The following ERBB4 variants were observed in gnomAD, a reference collection of about 807,000 sequenced individuals.
The protein encoded by ERBB4 is erb-b2 receptor tyrosine kinase 4.
Under a neutral mutation model 158.0 loss-of-function variants are expected in ERBB4, and 42 were observed. The ratio of observed to expected loss-of-function variants is 0.27; its 90% CI spans 0.21 to 0.34. ERBB4 has a LOEUF of 0.34. Ranked by LOEUF, ERBB4 falls within the 10% of genes least tolerant of loss-of-function variation. The pLI is 1.00. For synonymous variants in ERBB4, 583 were observed against 558.7 expected, an observed-to-expected ratio of 1.04 and a Z score of -0.61; for missense variants, 1,333 against 1,624.1, an observed-to-expected ratio of 0.82 and a Z score of 3.08.
chr2:212,064,481 C>A (rs1216305474), intron 2 of ERBB4, among the ~76,000 whole-genome samples: 2 of 152,090 alleles, frequency 1.3e-5, no homozygotes, highest in African/African-American at 4.8e-5. Context: ...AAACAGCCCA[C>A]CCCTTTCAAG....
intron 3 of ERBB4, among the ~76,000 whole-genome samples, chr2:211,807,930 A>C (rs1019944061): frequency 3.9e-5 from 6 of 152,138 alleles, no homozygotes; most frequent in African/African-American, 1.4e-4. Context: ...TCTTCTTCTG[A>C]GAAGTTTCTG....
At chr2:212,257,244 A>T (rs1485903662) in intron 1 of ERBB4, among the ~76,000 whole-genome samples, 1 of 152,194 alleles carries the variant, frequency 6.6e-6, no homozygotes, top group Non-Finnish European at 1.5e-5. Context: ...ATTTGACTAA[A>T]GATATATTAA....
chr2:212,184,399 A>G (rs1480597974), intron 1 of ERBB4, among the ~76,000 whole-genome samples: 10 of 152,116 alleles, frequency 6.6e-5, no homozygotes, highest in African/African-American at 2.2e-4. Context: ...TAATACTTAT[A>G]TATATAAGGC....
intron 19 of ERBB4, among the ~76,000 whole-genome samples, chr2:211,570,672 C>T (rs1486825139): frequency 6.6e-6 from 1 of 152,182 alleles, no homozygotes; most frequent in Non-Finnish European, 1.5e-5. Flanking sequence ...ACCACCTTCA[C>T]TGTAACTACA....
intron 1 of ERBB4, among the ~76,000 whole-genome samples, chr2:212,278,922 A>G (rs1325699780): frequency 1.3e-5 from 2 of 151,622 alleles, no homozygotes; most frequent in Admixed American, 6.6e-5. Flanking sequence ...TGTCAGAGGT[A>G]AAGTATATAA....
intron 1 of ERBB4, among the ~76,000 whole-genome samples, chr2:212,528,188 G>A (rs1235062471): frequency 6.6e-6 from 1 of 152,082 alleles, no homozygotes; most frequent in East Asian, 1.9e-4. Flanking sequence ...CTGCTGACCT[G>A]AAGGCACTAA....
At chr2:212,227,697 A>G (rs2083520104) in intron 1 of ERBB4, among the ~76,000 whole-genome samples, 1 of 152,152 alleles carries the variant, frequency 6.6e-6, no homozygotes, top group Non-Finnish European at 1.5e-5. Context: ...GAATGGTGCT[A>G]TGTGCTATTT....
chr2:212,359,436 C>G (rs937702846), intron 1 of ERBB4, among the ~76,000 whole-genome samples: 1 of 149,532 alleles, frequency 6.7e-6, no homozygotes. Flanking sequence ...CCAATAAAAT[C>G]TATTTCAAAT....
At chr2:212,456,893 C>A (rs1313841659) in intron 1 of ERBB4, among the ~76,000 whole-genome samples, 1 of 151,808 alleles carries the variant, frequency 6.6e-6, no homozygotes, top group Non-Finnish European at 1.5e-5. Flanking sequence ...ATTATAATGG[C>A]CTTTTTTCTC....
chr2:211,885,455 A>AT (rs924716283), intron 3 of ERBB4, among the ~76,000 whole-genome samples: 124 of 148,422 alleles, frequency 8.4e-4, no homozygotes, highest in Admixed American at 1.6e-3. Flanking sequence ...AACTGCTATA[A>AT]TTTTTTTTTT....
At chr2:212,089,307 A>G (rs549497665) in intron 2 of ERBB4, among the ~76,000 whole-genome samples, 40 of 152,290 alleles carry the variant, frequency 2.6e-4, no homozygotes, top group African/African-American at 9.1e-4. Context: ...AGTTCCAATC[A>G]ACATTTAAAC....
In ERBB4 at chr2:211,897,085, A is replaced by G. The variant is rs149728176; in HGVS notation, c.421+50345T>C. 5.9e-4 allele frequency among the ~76,000 whole-genome samples: 89 copies of G among 150,458 alleles called. No individual in the cohort carries two copies. In the East Asian group the frequency reaches 0.017, roughly 29 times the overall value. On this transcript the variant is annotated intron_variant, in intron 3 of 27. Transcript: ENST00000342788. ...TATATAAGTATAGAATATATTCTAT[A>G]TTATAAAAACACTATGTTTAAAGCT... is the stretch of plus-strand genomic sequence containing the variant.
intron 1 of ERBB4, among the ~76,000 whole-genome samples, chr2:212,294,985 A>G (rs1037585987): frequency 6.6e-6 from 1 of 152,088 alleles, no homozygotes; most frequent in African/African-American, 2.4e-5. Flanking sequence ...CATACGTGGT[A>G]ATATTTGCTG....
chr2:212,003,189 GAAA>G (rs2076163788), intron 2 of ERBB4, among the ~76,000 whole-genome samples: 1 of 68,046 alleles, frequency 1.5e-5, no homozygotes, highest in Non-Finnish European at 3.5e-5. Context: ...AAGAAAGAAA[GAAA>G]GAAAGAAAGA....
At chr2:212,333,262 A>T (rs2088265952) in intron 1 of ERBB4, among the ~76,000 whole-genome samples, 1 of 151,948 alleles carries the variant, frequency 6.6e-6, no homozygotes. Flanking sequence ...GTCCCAGTTG[A>T]TCATCCTCTT....
At chr2:212,229,003 A>T (rs1056368804) in intron 1 of ERBB4, among the ~76,000 whole-genome samples, 2 of 152,220 alleles carry the variant, frequency 1.3e-5, no homozygotes, top group Non-Finnish European at 2.9e-5. Flanking sequence ...CAAAATGCCC[A>T]AGGAAGAAAG....
rs539351806 is a variant in ERBB4, at chr2:211,902,213, C to T, written c.421+45217G>A. 1.1e-4 allele frequency among the ~76,000 whole-genome samples: 17 copies of T among 151,520 alleles called. No homozygotes were observed. The South Asian group carries it at 2.5e-3, about 22-fold the overall frequency. On this transcript the variant is annotated intron_variant, in intron 3 of 27. Coordinates refer to ENST00000342788, the MANE Select transcript of ERBB4 (RefSeq NM_005235.3). ...CTGTGCCTCCACAAAGACTATTTTG[C>T]GAAAAAACAAATAAAACACCAATCA...
chr2:212,046,784 C>T (rs1000343603), intron 2 of ERBB4, among the ~76,000 whole-genome samples: 2 of 152,120 alleles, frequency 1.3e-5, no homozygotes, highest in South Asian at 4.1e-4. Flanking sequence ...AAGAGTAATG[C>T]AACGTTTGCT....
intron 2 of ERBB4, among the ~76,000 whole-genome samples, chr2:211,949,618 G>A (rs1045025323): frequency 6.6e-6 from 1 of 152,072 alleles, no homozygotes; most frequent in Non-Finnish European, 1.5e-5. Flanking sequence ...TGTTGGAACT[G>A]CAGTGTATGA....
Sources: gnomAD v4.1 joint callset for allele counts (sites outside exome capture counted in the v4.1 genomes callset) on GRCh38, gnomAD v4.1.1 for gene constraint, MANE v1.5 for transcripts, NCBI Gene and HGNC (gene_info 2026-07-23, HGNC 2026-07-21) for gene names.